The following CRHR1 variants were observed in gnomAD, a reference collection of about 807,000 sequenced individuals.
CRHR1 encodes corticotropin releasing hormone receptor 1, also known as corticotropin-releasing hormone receptor 1.
A neutral mutation model predicts 56.0 loss-of-function variants in CRHR1; 28 were observed. That is an observed-to-expected ratio of 0.50 (90% confidence interval 0.37 to 0.69). The LOEUF is 0.69. CRHR1 is among the 30% of genes least tolerant of loss of function. The pLI is 0.00. For missense variants in CRHR1, 376 were observed against 548.0 expected (o/e 0.69, Z 3.13); for synonymous variants, 195 against 216.5 (o/e 0.90, Z 0.87).
At chr17:45,813,544 G>C (rs561297354) in intron 2 of CRHR1, among the ~76,000 whole-genome samples, 45 of 152,312 alleles carry the variant, frequency 3.0e-4, no homozygotes, top group African/African-American at 1.1e-3. Flanking sequence ...GCATCCTTAG[G>C]AGCTGCGGGG....
chr17:45,818,615 C>T (rs2061975488), intron 3 of CRHR1, among the ~76,000 whole-genome samples: 2 of 152,168 alleles, frequency 1.3e-5, no homozygotes, highest in South Asian at 2.1e-4. Context: ...GATGGCCTCT[C>T]GACATGGGGT....
At chr17:45,817,953 C>G (rs925480802) in intron 3 of CRHR1, among the ~76,000 whole-genome samples, 3 of 152,166 alleles carry the variant, frequency 2.0e-5, no homozygotes, top group African/African-American at 7.2e-5. Flanking sequence ...GGCTAATAAC[C>G]TATCGGAGGT....
intron 1 of CRHR1, among the ~76,000 whole-genome samples, chr17:45,790,041 G>C (rs2061400095): frequency 1.3e-5 from 2 of 152,186 alleles, no homozygotes; most frequent in Admixed American, 1.3e-4. Flanking sequence ...AGGAGAAGTG[G>C]TGAGGGGATG....
intron 4 of CRHR1, among the ~76,000 whole-genome samples, chr17:45,822,679 C>T (rs910442818): frequency 2.0e-5 from 3 of 152,128 alleles, no homozygotes; most frequent in African/African-American, 7.2e-5. Flanking sequence ...GGTGAAACCC[C>T]ATCTCTACTA....
At chr17:45,834,351 T>C (rs2143285337) in intron 12 of CRHR1, among the ~76,000 whole-genome samples, 1 of 152,330 alleles carries the variant, frequency 6.6e-6, no homozygotes, top group African/African-American at 2.4e-5. Flanking sequence ...TACATGTGGG[T>C]TGAGGGCAGG....
At position 45,816,449 on chromosome 17, in the gene CRHR1, G is replaced by A. The variant is rs149144271; in HGVS notation, c.122-14G>A. Reference sequence around the variant, plus strand: ...GATATCTTGCTGTGCCTTACCAGCCGTCTCTGCCCCCAGGACTGCAGTGCA... The same window carrying A: ...GATATCTTGCTGTGCCTTACCAGCCATCTCTGCCCCCAGGACTGCAGTGCA... On this transcript the variant is annotated splice_polypyrimidine_tract_variant and intron_variant, in intron 2 of 12. Coordinates refer to ENST00000314537, the MANE Select transcript of CRHR1 (RefSeq NM_004382.5). 1.1e-4 allele frequency: 178 copies of A among 1,613,718 alleles called. No homozygotes were observed. In the African/African-American group the frequency reaches 1.7e-3, roughly 15 times the overall value.
At chr17:45,807,412 C>T (rs2061740436) in intron 2 of CRHR1, among the ~76,000 whole-genome samples, 1 of 152,182 alleles carries the variant, frequency 6.6e-6, no homozygotes, top group Non-Finnish European at 1.5e-5. Context: ...GGCATCCCAG[C>T]CCTTGCTGCT....
intron 2 of CRHR1, among the ~76,000 whole-genome samples, chr17:45,814,173 G>A (rs1466051189): frequency 6.6e-6 from 1 of 152,250 alleles, no homozygotes; most frequent in Non-Finnish European, 1.5e-5. Context: ...GCTGCCACAT[G>A]GAACATTACA....
chr17:45,787,675 G>A (rs1209471210), intron 1 of CRHR1, among the ~76,000 whole-genome samples: 3 of 152,192 alleles, frequency 2.0e-5, no homozygotes, highest in Non-Finnish European at 4.4e-5. Context: ...CGTTACTCCC[G>A]AGGCTCTGCA....
In CRHR1 at chr17:45,835,049, C is replaced by T. The variant is rs2062409594; in HGVS notation, c.*285C>T. 1 of 496,390 alleles carries T rather than the reference C, an allele frequency of 2.0e-6. No individual in the cohort carries two copies. The highest frequency in any genetic ancestry group is 1.9e-5 in the African/African-American group (1 of 52,264). The allele number at this position is 496,390 out of a possible 1,614,324, so 30.7% of individuals were successfully genotyped here. Reference sequence around the variant, plus strand: ...CATGGGAATGAATTGAAATGGGGCGCTGGACACCTACAGCAGCACGCATGT... The same window carrying T: ...CATGGGAATGAATTGAAATGGGGCGTTGGACACCTACAGCAGCACGCATGT... On this transcript the variant is annotated 3_prime_UTR_variant, in exon 13 of 13. Transcript: ENST00000314537.
intron 1 of CRHR1, among the ~76,000 whole-genome samples, chr17:45,791,402 C>T (rs970922047): frequency 6.6e-6 from 1 of 152,114 alleles, no homozygotes; most frequent in Non-Finnish European, 1.5e-5. Context: ...AGGGCTCGCT[C>T]AGGGTGGATG....
intron 4 of CRHR1, among the ~76,000 whole-genome samples, chr17:45,824,037 G>C (rs1282055985): frequency 1.3e-5 from 2 of 152,224 alleles, no homozygotes; most frequent in Admixed American, 6.5e-5. Flanking sequence ...CCCACACAGA[G>C]AGCCCACCTG....
At chr17:45,796,242 A>C (rs1338280355) in intron 1 of CRHR1, among the ~76,000 whole-genome samples, 1 of 152,172 alleles carries the variant, frequency 6.6e-6, no homozygotes, top group Non-Finnish European at 1.5e-5. Flanking sequence ...ACAGTTTCCC[A>C]GTGTCTGGGA....
chr17:45,834,039 CA>C lies in CRHR1; in HGVS notation c.1100del (p.Asn367IlefsTer66). 6.2e-7 allele frequency: 1 copy of C among 1,613,402 alleles called. No individual in the cohort carries two copies. The highest frequency in any genetic ancestry group is 8.5e-7 in the Non-Finnish European group (1 of 1,179,408). Reference sequence around the variant, plus strand: ...TTGTGTCTGTGTTCTACTGTTTCCTCAATAGTGAGGTGAGGACCCGGGGGCC... The same window carrying C: ...TTGTGTCTGTGTTCTACTGTTTCCTCATAGTGAGGTGAGGACCCGGGGGCC... The part of the protein sequence containing the change: ...FFVSVFYCFL[N>X]SEVRSAIRKR... On this transcript the variant is annotated frameshift_variant, in exon 12 of 13. Coordinates refer to ENST00000314537, the MANE Select transcript of CRHR1 (RefSeq NM_004382.5). LOFTEE classifies it high-confidence loss of function.
intron 2 of CRHR1, among the ~76,000 whole-genome samples, chr17:45,812,028 G>A (rs2061834124): frequency 6.6e-6 from 1 of 152,160 alleles, no homozygotes. Context: ...ACTCCCCATG[G>A]ATATCAAAAT....
intron 4 of CRHR1, chr17:45,827,658 A>G (rs192032461): frequency 7.4e-4 from 112 of 152,318 alleles, no homozygotes; most frequent in African/African-American, 2.5e-3. Flanking sequence ...ATTACCTGCC[A>G]TGTTCCAGAA....
intron 4 of CRHR1, among the ~76,000 whole-genome samples, chr17:45,824,731 G>A (rs1288893283): frequency 6.6e-6 from 1 of 152,180 alleles, no homozygotes; most frequent in East Asian, 1.9e-4. Flanking sequence ...CCTTGAGGAG[G>A]CAACTTAACC....
At chr17:45,810,051 G>A (rs1242962683) in intron 2 of CRHR1, among the ~76,000 whole-genome samples, 6 of 152,080 alleles carry the variant, frequency 3.9e-5, no homozygotes, top group African/African-American at 9.7e-5. Flanking sequence ...AGGCCGAGGC[G>A]GTCGGATCAC....
At chr17:45,832,322 C>A (rs1435487137) in intron 8 of CRHR1, among the ~76,000 whole-genome samples, 1 of 152,164 alleles carries the variant, frequency 6.6e-6, no homozygotes, top group Non-Finnish European at 1.5e-5. Flanking sequence ...GGTGAGAATT[C>A]AACACTGCAA....
Sources: allele counts gnomAD v4.1 joint callset (sites outside exome capture counted in the v4.1 genomes callset), GRCh38; gene constraint gnomAD v4.1.1; transcripts MANE v1.5; gene names NCBI Gene and HGNC (gene_info 2026-07-23, HGNC 2026-07-21).